Variants in RORA observed in about 807,000 individuals in gnomAD.
RORA encodes RAR related orphan receptor A, also known as nuclear receptor ROR-alpha.
Under a neutral mutation model 69.5 loss-of-function variants are expected in RORA, and 7 were observed. The ratio of observed to expected loss-of-function variants is 0.10; its 90% CI spans 0.06 to 0.19. The LOEUF is 0.19. RORA is among the 10% of genes least tolerant of loss of function. The pLI is 1.00. For synonymous variants in RORA, 261 were observed against 240.8 expected (o/e 1.08, Z -0.78); for missense variants, 457 against 663.0 (o/e 0.69, Z 3.41).
rs2079159876 is a variant in RORA at position 61,128,215 on chromosome 15, GTGTGTGTGTC to G, written c.166+100828_166+100837del. ...TGTGTGTATGCACACGTGTGTGTGT[GTGTGTGTGTC>G]TGTGTGTGAGTGTGTTTCTGCAAGG... On this transcript the variant is annotated intron_variant, in intron 1 of 10. Transcript: ENST00000335670. The surrounding 1 kb of genome is among the most constrained non-coding windows in gnomAD (Gnocchi z 4.5). Among the ~76,000 whole-genome samples, 2 of 151,776 alleles carry G rather than the reference GTGTGTGTGTC, an allele frequency of 1.3e-5. No homozygotes were observed. Among genetic ancestry groups the G allele is most frequent in the Admixed American group, 1.3e-4 (2 of 15,224 alleles).
chr15:60,806,599 T>C (rs2072662951), intron 1 of RORA, among the ~76,000 whole-genome samples: 1 of 152,202 alleles, frequency 6.6e-6, no homozygotes, highest in Non-Finnish European at 1.5e-5. Flanking sequence ...TAAAGGACCT[T>C]ATCTATACAC....
intron 1 of RORA, among the ~76,000 whole-genome samples, chr15:60,735,204 C>T (rs1434856324): frequency 6.6e-6 from 1 of 152,196 alleles, no homozygotes; most frequent in African/African-American, 2.4e-5. Flanking sequence ...GGACATCTGC[C>T]TCAGAGATGT....
chr15:61,096,550 T>C (rs970942808), intron 1 of RORA, among the ~76,000 whole-genome samples: 3 of 152,208 alleles, frequency 2.0e-5, no homozygotes, highest in Non-Finnish European at 4.4e-5. Flanking sequence ...CAAGATTATC[T>C]GTTACAACCA....
At chr15:60,618,484 A>G (rs143355616) in intron 2 of RORA, among the ~76,000 whole-genome samples, 2 of 152,352 alleles carry the variant, frequency 1.3e-5, no homozygotes, top group Admixed American at 1.3e-4. Flanking sequence ...ATGTTGGATG[A>G]CTGGATTAAA....
chr15:61,108,483 A>C (rs1390461370), intron 1 of RORA, among the ~76,000 whole-genome samples: 7 of 152,188 alleles, frequency 4.6e-5, no homozygotes, highest in Non-Finnish European at 1.0e-4. Context: ...AGCTATACCG[A>C]TTTGTTGACA....
chr15:60,879,815 C>T (rs912840513), intron 1 of RORA, among the ~76,000 whole-genome samples: 3 of 152,158 alleles, frequency 2.0e-5, no homozygotes, highest in African/African-American at 7.2e-5. Context: ...TTAGCAGAAA[C>T]AAATCATCTC....
chr15:60,888,482 A>G (rs2073776604), intron 1 of RORA, among the ~76,000 whole-genome samples: 1 of 152,210 alleles, frequency 6.6e-6, no homozygotes, highest in African/African-American at 2.4e-5. Context: ...ACACACGCAC[A>G]TATACACATG....
chr15:61,108,253 T>C (rs2078970551), intron 1 of RORA, among the ~76,000 whole-genome samples: 1 of 152,186 alleles, frequency 6.6e-6, no homozygotes, highest in African/African-American at 2.4e-5. Context: ...ACTTAAACCA[T>C]CAGAAGTCAA....
At chr15:60,613,129 C>A (rs1002082811) in intron 2 of RORA, among the ~76,000 whole-genome samples, 4 of 152,008 alleles carry the variant, frequency 2.6e-5, no homozygotes, top group African/African-American at 9.7e-5. Context: ...TTAAGAGAAA[C>A]AGGTCAGATG....
intron 1 of RORA, among the ~76,000 whole-genome samples, chr15:61,114,431 T>A (rs1237731539): frequency 6.6e-6 from 1 of 152,188 alleles, no homozygotes; most frequent in Admixed American, 6.5e-5. Context: ...GTTAATATGA[T>A]CTTTAGCAGA....
At chr15:60,819,757 A>ACACACACACACACACACACACG (rs2072864953) in intron 1 of RORA, among the ~76,000 whole-genome samples, 1 of 59,498 alleles carries the variant, frequency 1.7e-5, no homozygotes, top group African/African-American at 3.8e-5. Context: ...ACACACACAC[A>ACACACACACACACACACACACG]CACACACACA....
rs536984849 is a variant in RORA, at chr15:61,208,108, G to A, written c.166+20945C>T. ...CTGTTTTTTCCCAGTATGGGGGTAG[G>A]CAAGAGGAGGGGAAGCGCTCCAAGG... On this transcript the variant is annotated intron_variant, in intron 1 of 10. Coordinates refer to ENST00000335670, the MANE Select transcript of RORA (RefSeq NM_134261.3). 2.0e-4 allele frequency among the ~76,000 whole-genome samples: 31 copies of A among 152,294 alleles called. No homozygotes were observed. The South Asian group carries it at 6.4e-3, about 32-fold the overall frequency.
At position 60,777,020 on chromosome 15, in the gene RORA, C is replaced by T. The variant is rs377356730; in HGVS notation, c.167-98334G>A. Among the ~76,000 whole-genome samples the T allele has an allele frequency of 1.6e-4, 24 of 152,190 alleles. No individual in the cohort carries two copies. The East Asian group carries it at 2.5e-3, about 16-fold the overall frequency. On this transcript the variant is annotated intron_variant, in intron 1 of 10. Coordinates refer to ENST00000335670, the MANE Select transcript of RORA (RefSeq NM_134261.3). Reference sequence around the variant, plus strand: ...ATCTTCATTGATATATCTCTAGTACCTGGAGTAGTGCCTAGTTAATAATAG... The same window carrying T: ...ATCTTCATTGATATATCTCTAGTACTTGGAGTAGTGCCTAGTTAATAATAG...
At chr15:60,629,576 A>C (rs574153596) in intron 2 of RORA, among the ~76,000 whole-genome samples, 1 of 152,324 alleles carries the variant, frequency 6.6e-6, no homozygotes, top group South Asian at 2.1e-4. Flanking sequence ...AGTGACAAGA[A>C]GATATGTGAG....
At chr15:60,587,278 C>A (rs1015555240) in intron 2 of RORA, among the ~76,000 whole-genome samples, 7 of 152,006 alleles carry the variant, frequency 4.6e-5, no homozygotes, top group African/African-American at 1.7e-4. Flanking sequence ...TAAGAATAAC[C>A]CCATTTGTAC....
chr15:61,005,093 T>C (rs1240553200), intron 1 of RORA, among the ~76,000 whole-genome samples: 1 of 152,226 alleles, frequency 6.6e-6, no homozygotes. Context: ...CATCACAGCA[T>C]TGTTTAGCAA....
intron 3 of RORA, among the ~76,000 whole-genome samples, chr15:60,518,603 G>C (rs892935353): frequency 6.6e-6 from 1 of 152,150 alleles, no homozygotes; most frequent in Non-Finnish European, 1.5e-5. Context: ...TACGCTTCTC[G>C]CCATGATTCC....
At chr15:60,737,160 T>C (rs1302603990) in intron 1 of RORA, among the ~76,000 whole-genome samples, 1 of 152,110 alleles carries the variant, frequency 6.6e-6, no homozygotes, top group Admixed American at 6.5e-5. Context: ...AGGTATCAAA[T>C]TGCATGGAAC....
intron 5 of RORA, among the ~76,000 whole-genome samples, chr15:60,508,409 G>C (rs1296180591): frequency 6.6e-6 from 1 of 152,176 alleles, no homozygotes; most frequent in East Asian, 1.9e-4. Flanking sequence ...AACTGTCCTT[G>C]TTTAACAAAT....
Sources: gnomAD v4.1 joint callset for allele counts (sites outside exome capture counted in the v4.1 genomes callset) on GRCh38, gnomAD v4.1.1 for gene constraint, Gnocchi (gnomAD v3.1) non-coding constraint, MANE v1.5 for transcripts, NCBI Gene and HGNC (gene_info 2026-07-23, HGNC 2026-07-21) for gene names.